Variants in TNN observed in about 807,000 individuals in gnomAD.
TNN encodes the protein tenascin N, also known as tenascin-N.
In TNN, 122 loss-of-function variants were observed where a neutral mutation model predicts 134.4. That is an observed-to-expected ratio of 0.91 (90% CI 0.78 to 1.06). The LOEUF is 1.06. TNN is among the 50% of genes least tolerant of loss of function. TNN has a pLI of 0.00. For synonymous variants in TNN, 710 were observed against 670.3 expected (o/e 1.06, Z -0.91); for missense variants, 1,739 against 1,699.4 (o/e 1.02, Z -0.41).
intron 7 of TNN, among the ~76,000 whole-genome samples, chr1:175,094,703 T>C (rs1674531196): frequency 1.3e-5 from 2 of 152,364 alleles, no homozygotes; most frequent in South Asian, 4.1e-4. Context: ...ATTCTTCCTT[T>C]AAGCTTTCAG....
chr1:175,088,737 A>T (rs1351783441), intron 6 of TNN, among the ~76,000 whole-genome samples: 1 of 152,220 alleles, frequency 6.6e-6, no homozygotes, highest in Non-Finnish European at 1.5e-5. Context: ...TTCAACAAAC[A>T]TTTATTGCAG....
At chr1:175,119,044 G>C (rs962454170) in intron 11 of TNN, among the ~76,000 whole-genome samples, 1 of 152,202 alleles carries the variant, frequency 6.6e-6, no homozygotes, top group Admixed American at 6.5e-5. Flanking sequence ...TATAGGAAAG[G>C]CGTCCCGATC....
chr1:175,069,385 A>C (rs1299749425), intron 1 of TNN, among the ~76,000 whole-genome samples: 1 of 152,182 alleles, frequency 6.6e-6, no homozygotes, highest in African/African-American at 2.4e-5. Flanking sequence ...CTTTCATACA[A>C]CTCTAAGTAC....
intron 6 of TNN, among the ~76,000 whole-genome samples, chr1:175,086,733 G>T (rs1024526928): frequency 6.6e-6 from 1 of 152,208 alleles, no homozygotes; most frequent in South Asian, 2.1e-4. Flanking sequence ...CATTTATAAT[G>T]GAGAACATAT....
rs144571920 is a variant in TNN, at chr1:175,119,929, C to T, written c.2650+1105C>T. The stretch of plus-strand genomic sequence containing the variant: ...CTGGGATTACAGGCATGAGCCACTG[C>T]GCCTGGGCCCATGAATGTCTTAAAA... On this transcript the variant is annotated intron_variant, in intron 11 of 18. Coordinates refer to ENST00000239462, the MANE Select transcript of TNN (RefSeq NM_022093.2). 7.3e-3 allele frequency among the ~76,000 whole-genome samples: 1,117 copies of T among 152,272 alleles called. 12 individuals are homozygous for T. Among genetic ancestry groups the T allele is most frequent in the African/African-American group, 0.024 (1,017 of 41,558 alleles).
Position 175,103,285 on chromosome 1 carries a change from A to T in TNN, c.2119+4690A>T, listed in dbSNP as rs375325131. On this transcript the variant is annotated intron_variant, in intron 9 of 18. Coordinates refer to ENST00000239462, the MANE Select transcript of TNN (RefSeq NM_022093.2). Reference sequence around the variant, plus strand: ...AAGCCTTTTCCTGTAAACTCCGGGCAGCATCTCATACTATCCCCGACTGGT... The same window carrying T: ...AAGCCTTTTCCTGTAAACTCCGGGCTGCATCTCATACTATCCCCGACTGGT... Among the ~76,000 whole-genome samples, 2 of 146,292 alleles carry T rather than the reference A, an allele frequency of 1.4e-5. 1 individual carries two copies. Among genetic ancestry groups the T allele is most frequent in the Non-Finnish European group, 3.0e-5 (2 of 65,878 alleles).
At chr1:175,071,609 T>A (rs1673916688) in intron 1 of TNN, among the ~76,000 whole-genome samples, 1 of 152,206 alleles carries the variant, frequency 6.6e-6, no homozygotes, top group Admixed American at 6.5e-5. Context: ...TTTTTTTTGT[T>A]TTTGTTTTTG....
intron 7 of TNN, among the ~76,000 whole-genome samples, chr1:175,096,777 G>A (rs1345763631): frequency 6.6e-6 from 1 of 152,160 alleles, no homozygotes; most frequent in African/African-American, 2.4e-5. Flanking sequence ...TCATAGAGTT[G>A]AGGAGACAGA....
At chr1:175,139,691 TA>T (rs1247285160) in intron 17 of TNN, among the ~76,000 whole-genome samples, 1 of 152,208 alleles carries the variant, frequency 6.6e-6, no homozygotes, top group Admixed American at 6.5e-5. Context: ...ACCAGTAACA[TA>T]ATTATTTATT....
At chr1:175,116,748 G>A (rs1014551151) in intron 9 of TNN, among the ~76,000 whole-genome samples, 191 bp from the exon 10 acceptor site, 17 of 152,194 alleles carry the variant, frequency 1.1e-4, no homozygotes, top group Non-Finnish European at 2.5e-4. Context: ...CCACTCTCCT[G>A]TGCTGCCTTG....
chr1:175,109,387 CTAT>C (rs1674962574), intron 9 of TNN, among the ~76,000 whole-genome samples: 1 of 151,894 alleles, frequency 6.6e-6, no homozygotes, highest in Non-Finnish European at 1.5e-5. Context: ...CGGGCCCGGC[CTAT>C]CTAACTGTAT....
intron 14 of TNN, 149 bp downstream of exon 14, chr1:175,128,313 G>C: frequency 1.2e-6 from 1 of 852,648 alleles, no homozygotes. Flanking sequence ...GTGTTCAAAA[G>C]AAATCCACCC....
chr1:175,099,174 G>A (rs1422775850), intron 9 of TNN, among the ~76,000 whole-genome samples: 2 of 152,178 alleles, frequency 1.3e-5, no homozygotes, highest in Non-Finnish European at 2.9e-5. Flanking sequence ...TGGGCCACCT[G>A]TGGGCCAGCT....
At chr1:175,085,260 A>G in intron 5 of TNN, 145 bp from the exon 6 acceptor site, 1 of 619,108 alleles carries the variant, frequency 1.6e-6, no homozygotes, top group African/African-American at 1.8e-5. Flanking sequence ...GCGGGGCTTT[A>G]TTTGCCTGCA....
Position 175,146,780 on chromosome 1 carries a change from TCTC to T in TNN, c.3760-150_3760-148del, listed in dbSNP as rs974134799. The T allele has an allele frequency of 4.1e-6, 3 of 734,186 alleles. No homozygotes were observed. The African/African-American group carries it at 5.5e-5, about 13-fold the overall frequency. 45.5% of individuals were successfully genotyped at this position (734,186 alleles called of 1,614,324 possible). A position where few individuals can be genotyped will look rare whatever the true frequency, so the allele number is the denominator to read the frequency against. On this transcript the variant is annotated intron_variant, in intron 18 of 18. Coordinates refer to ENST00000239462, the MANE Select transcript of TNN (RefSeq NM_022093.2). ...GTCCGGATCCTGCCCTCCCCTCCCT[TCTC>T]ATCACCCCGTCTCTTTCTCTCTCCT...
intron 12 of TNN, among the ~76,000 whole-genome samples, chr1:175,124,794 C>G (rs1342361179): frequency 6.6e-6 from 1 of 152,218 alleles, no homozygotes; most frequent in Non-Finnish European, 1.5e-5. Flanking sequence ...CCCTTCTTCC[C>G]TCTTTCCCAC....
At chr1:175,080,858 T>TTTCA (rs1160896386) in intron 4 of TNN, among the ~76,000 whole-genome samples, 4 of 152,128 alleles carry the variant, frequency 2.6e-5, no homozygotes, top group African/African-American at 9.7e-5. Flanking sequence ...AATTTCAAAG[T>TTTCA]TTAACTAACA....
At chr1:175,103,848 T>G (rs995851099) in intron 9 of TNN, among the ~76,000 whole-genome samples, 1 of 145,564 alleles carries the variant, frequency 6.9e-6, no homozygotes, top group Non-Finnish European at 1.5e-5. Flanking sequence ...CTTCCCATTT[T>G]GATGGCTTTG....
Position 175,097,519 on chromosome 1 carries a change from G to T in TNN, c.1691G>T (p.Arg564Leu), listed in dbSNP as rs372177992. Reference protein sequence around the residue: ...VQATIDKYVVRYTSADDQETR... With the variant: ...VQATIDKYVVLYTSADDQETR... The stretch of plus-strand genomic sequence containing the variant: ...GCCACCATTGACAAGTACGTGGTGC[G>T]CTACACCTCTGCTGACGACCAAGAG... The change falls in exon 8 of 19, where the codon CGC (arginine) becomes CTC (leucine). Residue 564 changes from arginine (R) to leucine (L), a missense_variant. Physicochemically the swap from Arg to Leu is moderately radical, Grantham distance 102 (BLOSUM62 -2). Coordinates refer to ENST00000239462, the MANE Select transcript of TNN (RefSeq NM_022093.2). 1 of 1,614,066 alleles carries T rather than the reference G, an allele frequency of 6.2e-7. No homozygotes were observed. The highest frequency in any genetic ancestry group is 8.5e-7 in the Non-Finnish European group (1 of 1,180,052).
Sources: gnomAD v4.1 joint callset for allele counts (sites outside exome capture counted in the v4.1 genomes callset) on GRCh38, gnomAD v4.1.1 for gene constraint, MANE v1.5 for transcripts, NCBI Gene and HGNC (gene_info 2026-07-23, HGNC 2026-07-21) for gene names.